Variants in TIAM2 observed in about 807,000 individuals in gnomAD.
TIAM2 encodes rho guanine nucleotide exchange factor TIAM2.
In TIAM2, 80 loss-of-function variants were observed where a neutral mutation model predicts 152.9. That is an observed-to-expected ratio of 0.52 (90% CI 0.44 to 0.63). The LOEUF (loss-of-function observed/expected upper bound fraction) is 0.63, where lower values mean the gene tolerates loss of function less well. Ranked by LOEUF, TIAM2 falls within the 30% of genes least tolerant of loss-of-function variation. TIAM2 has a pLI of 0.00. For missense variants in TIAM2, 1,965 were observed against 2,120.1 expected (o/e 0.93, Z 1.44); for synonymous variants, 804 against 838.0 (o/e 0.96, Z 0.70).
rs1209332280 is a variant in TIAM2, at chr6:155,029,497, T to TATACTATAG, written c.-209+34005_-209+34006insATACTATAG. 1.1e-3 allele frequency among the ~76,000 whole-genome samples: 26 copies of TATACTATAG among 24,482 alleles called. 2 individuals are homozygous for TATACTATAG. The highest frequency in any genetic ancestry group is 4.5e-3 in the African/African-American group (25 of 5,606). 16.1% of individuals were successfully genotyped at this position (24,482 alleles called of 152,430 possible). On this transcript the variant is annotated intron_variant, in intron 1 of 26. Transcript: ENST00000682666. ...TATAGTATATATACTATAGTATATATTATATATAATATATACTATATATTA... is the reference window on the plus strand; with the variant it reads ...TATAGTATATATACTATAGTATATATATACTATAGTATATATAATATATACTATATATTA...
At chr6:155,153,698 T>C (rs1780033787) in intron 7 of TIAM2, among the ~76,000 whole-genome samples, 1 of 144,168 alleles carries the variant, frequency 6.9e-6, no homozygotes, top group African/African-American at 2.5e-5. Flanking sequence ...CTCAGCTCAC[T>C]GCAACCTCCA....
Position 155,047,699 on chromosome 6 carries a change from GAGAGAGC to G in TIAM2, c.-208-42589_-208-42583del, listed in dbSNP as rs1562300180. Among the ~76,000 whole-genome samples the G allele has an allele frequency of 9.0e-4, 24 of 26,632 alleles. 2 individuals are homozygous for G. Among genetic ancestry groups the G allele is most frequent in the East Asian group, 4.0e-3 (3 of 744 alleles). 17.5% of individuals were successfully genotyped at this position (26,632 alleles called of 152,430 possible). A position where few individuals can be genotyped will look rare whatever the true frequency, so the allele number is the denominator to read the frequency against. On this transcript the variant is annotated intron_variant, in intron 1 of 26. Coordinates refer to ENST00000682666, the MANE Select transcript of TIAM2 (RefSeq NM_012454.4). ...GAGAGAGAGAGAGAGGAGAGAGAGA[GAGAGAGC>G]GAGAGAGAGAGAGAGAGAGCGAGAG...
At chr6:155,114,609 AT>A (rs1273389022) in intron 2 of TIAM2, among the ~76,000 whole-genome samples, 1 of 152,170 alleles carries the variant, frequency 6.6e-6, no homozygotes, top group Admixed American at 6.5e-5. Context: ...AATGTTCTTT[AT>A]AAGGCAGTAG....
At chr6:155,244,266 T>C (rs1783200161) in intron 17 of TIAM2, among the ~76,000 whole-genome samples, 187 bp downstream of exon 17, 1 of 152,216 alleles carries the variant, frequency 6.6e-6, no homozygotes, top group African/African-American at 2.4e-5. Flanking sequence ...CATGACCCAG[T>C]GGCAGAGTGT....
At chr6:155,256,170 A>T in intron 26 of TIAM2, 1 of 522,260 alleles carries the variant, frequency 1.9e-6, no homozygotes, top group Non-Finnish European at 3.3e-6. Flanking sequence ...TTACCAATTA[A>T]CTTTTCAACT....
chr6:155,116,548 T>G (rs1779016924), intron 2 of TIAM2, among the ~76,000 whole-genome samples: 1 of 152,180 alleles, frequency 6.6e-6, no homozygotes. Flanking sequence ...GAAGAAATGT[T>G]TTGCCAAGAA....
At chr6:155,118,044 C>A (rs73794463) in intron 2 of TIAM2, among the ~76,000 whole-genome samples, 1 of 152,242 alleles carries the variant, frequency 6.6e-6, no homozygotes, top group Non-Finnish European at 1.5e-5. Flanking sequence ...ACTGTGGACT[C>A]CTTTCCCAGA....
intron 1 of TIAM2, among the ~76,000 whole-genome samples, chr6:155,076,886 G>C (rs980438388): frequency 6.6e-6 from 1 of 152,154 alleles, no homozygotes; most frequent in Non-Finnish European, 1.5e-5. Flanking sequence ...AGTAGAGACG[G>C]AGTTCTGCCA....
intron 2 of TIAM2, among the ~76,000 whole-genome samples, chr6:155,091,644 G>A (rs1778307265): frequency 6.6e-6 from 1 of 152,100 alleles, no homozygotes; most frequent in South Asian, 2.1e-4. Context: ...ACATATTAAA[G>A]CTAGAAATTT....
chr6:155,243,990 C>A (rs772252241), intron 16 of TIAM2, 21 bp from the exon 17 acceptor site: 1 of 1,609,720 alleles, frequency 6.2e-7, no homozygotes, highest in South Asian at 1.1e-5. Flanking sequence ...GTTGAAGACA[C>A]TTTCTTCTAT....
At chr6:155,078,996 CT>C (rs929681802) in intron 1 of TIAM2, among the ~76,000 whole-genome samples, 14 of 147,740 alleles carry the variant, frequency 9.5e-5, no homozygotes, top group African/African-American at 9.9e-5. Flanking sequence ...TGGTGTTTTT[CT>C]TTTTTTTTTG....
At chr6:155,059,400 T>A (rs1299270747) in intron 1 of TIAM2, among the ~76,000 whole-genome samples, 1 of 152,016 alleles carries the variant, frequency 6.6e-6, no homozygotes, top group Non-Finnish European at 1.5e-5. Context: ...CTCATCTGAC[T>A]GGGACCTCCG....
chr6:155,223,815 G>T (rs139731965), intron 15 of TIAM2, among the ~76,000 whole-genome samples: 1 of 152,066 alleles, frequency 6.6e-6, no homozygotes, highest in East Asian at 1.9e-4. Context: ...TGTGTTCCCC[G>T]GCAAGGGCGT....
intron 7 of TIAM2, among the ~76,000 whole-genome samples, chr6:155,153,039 A>G (rs963438396): frequency 1.3e-5 from 2 of 152,140 alleles, no homozygotes; most frequent in East Asian, 3.8e-4. Context: ...GCCTGAAGAG[A>G]AACTGTTTTA....
At chr6:155,026,844 G>A (rs965635847) in intron 1 of TIAM2, among the ~76,000 whole-genome samples, 13 of 152,162 alleles carry the variant, frequency 8.5e-5, no homozygotes, top group Non-Finnish European at 1.6e-4. Context: ...CGGGAGACTG[G>A]GCTACTGCTG....
intron 2 of TIAM2, 91 bp downstream of exon 2, chr6:155,090,470 C>A (rs531626132): frequency 6.6e-6 from 1 of 152,188 alleles, no homozygotes; most frequent in Non-Finnish European, 1.5e-5. Flanking sequence ...TCACGTAGCT[C>A]TGTTAATTGC....
Position 155,186,783 on chromosome 6 carries a change from C to T in TIAM2, c.3064+3283C>T, listed in dbSNP as rs150202625. 6.0e-3 allele frequency among the ~76,000 whole-genome samples: 919 copies of T among 152,194 alleles called. 16 individuals carry two copies. Among genetic ancestry groups the T allele is most frequent in the African/African-American group, 0.021 (883 of 41,514 alleles). On this transcript the variant is annotated intron_variant, in intron 14 of 26. Coordinates refer to ENST00000682666, the MANE Select transcript of TIAM2 (RefSeq NM_012454.4). This position sits in a 1 kb window ranked among gnomAD's most constrained non-coding sequence, Gnocchi z 4.5. ...TTTTAACTAAAAAAGTTAAAATTTA[C>T]GGAAATCAAAAATTTAAATGACTTT...
chr6:155,121,932 T>C, intron 2 of TIAM2: 1 of 152,686 alleles, frequency 6.5e-6, no homozygotes, highest in Non-Finnish European at 1.5e-5. Context: ...CTTCAGTTGC[T>C]CCATCTGGGC....
chr6:155,186,209 C>T lies in TIAM2; in HGVS notation c.3064+2709C>T, dbSNP rs1177000099. Among the ~76,000 whole-genome samples, 4 of 152,174 alleles carry T rather than the reference C, an allele frequency of 2.6e-5. No individual in the cohort carries two copies. Among genetic ancestry groups the T allele is most frequent in the East Asian group, 1.9e-4 (1 of 5,196 alleles). The stretch of plus-strand genomic sequence containing the variant: ...ACAAGCATACAGGTTTTGAGTCAGA[C>T]GTGGGTTCAGGTCCTGGGCTGCCCT... On this transcript the variant is annotated intron_variant, in intron 14 of 26. Transcript: ENST00000682666. The surrounding 1 kb of genome is among the most constrained non-coding windows in gnomAD (Gnocchi z 4.5).
Sources: allele counts gnomAD v4.1 joint callset (sites outside exome capture counted in the v4.1 genomes callset), GRCh38; gene constraint gnomAD v4.1.1; non-coding constraint Gnocchi (gnomAD v3.1); transcripts MANE v1.5; gene names NCBI Gene and HGNC (gene_info 2026-07-23, HGNC 2026-07-21).